WWC2: variants seen among roughly 807,000 people sequenced by gnomAD.
The protein encoded by WWC2 is protein WWC2.
WWC2 carries 101 observed loss-of-function variants against 138.5 expected under a neutral mutation model. That is an observed-to-expected ratio of 0.73 (90% CI 0.62 to 0.86). The LOEUF is 0.86. Among genes scored for constraint, WWC2 ranks in the 40% least tolerant of loss-of-function variants. The pLI is 0.00. For synonymous variants in WWC2, 558 were observed against 538.4 expected, an observed-to-expected ratio of 1.04 and a Z score of -0.50; for missense variants, 1,420 against 1,419.4, an observed-to-expected ratio of 1.00 and a Z score of -0.01.
rs545138436 is a variant in WWC2 at position 183,121,062 on chromosome 4, A to G, written c.131+21440A>G. Among the ~76,000 whole-genome samples, 3 of 152,328 alleles carry G rather than the reference A, an allele frequency of 2.0e-5. No individual in the cohort carries two copies. In the East Asian group the frequency reaches 5.8e-4, roughly 29 times the overall value. On this transcript the variant is annotated intron_variant, in intron 1 of 22. Transcript: ENST00000403733. ...CGAGACCTTGTCTCTACAAAATAAT[A>G]CAAAAGTTAGCCAGGCATGGCGGTG...
At chr4:183,276,171 T>G (rs1580138135) in intron 16 of WWC2, among the ~76,000 whole-genome samples, 1 of 152,244 alleles carries the variant, frequency 6.6e-6, no homozygotes, top group East Asian at 1.9e-4. Context: ...ATGATTTATC[T>G]TTTTTCATCC....
intron 21 of WWC2, among the ~76,000 whole-genome samples, chr4:183,311,578 GT>G (rs33921495): frequency 0.51 from 58,343 of 115,024 alleles, 13,095 homozygotes; most frequent in Middle Eastern, 0.66. Context: ...ATGTGTGCAG[GT>G]TTTTTTTTTT....
At position 183,185,658 on chromosome 4, in the gene WWC2, T is replaced by C. The variant is rs543375188; in HGVS notation, c.132-7941T>C. On this transcript the variant is annotated intron_variant, in intron 1 of 22. Transcript: ENST00000403733. ...CTTCAGAGCCAACATTGTGAAGGTT[T>C]TTAGTGTGAAGGGCTATGCGGCAGA... Among the ~76,000 whole-genome samples the C allele has an allele frequency of 9.9e-5, 15 of 152,272 alleles. No individual in the cohort carries two copies. In the East Asian group the frequency reaches 2.7e-3, roughly 28 times the overall value.
chr4:183,244,850 G>T (rs1464638704), intron 5 of WWC2, among the ~76,000 whole-genome samples: 1 of 152,046 alleles, frequency 6.6e-6, no homozygotes, highest in Non-Finnish European at 1.5e-5. Context: ...ATAAGGTTTG[G>T]GTTCAGCCAG....
intron 6 of WWC2, among the ~76,000 whole-genome samples, chr4:183,246,418 C>A (rs1383910652): frequency 1.3e-5 from 2 of 152,126 alleles, no homozygotes; most frequent in African/African-American, 4.8e-5. Flanking sequence ...TATTTAACTA[C>A]TTGATGTTGG....
At chr4:183,210,253 C>G (rs1423726495) in intron 4 of WWC2, among the ~76,000 whole-genome samples, 1 of 151,872 alleles carries the variant, frequency 6.6e-6, no homozygotes, top group Non-Finnish European at 1.5e-5. Flanking sequence ...GAGAATAAAA[C>G]AGTGGTTACC....
Position 183,240,157 on chromosome 4 carries a change from A to G in WWC2, c.523-26A>G, listed in dbSNP as rs1250206960. 7 of 1,498,610 alleles carry G rather than the reference A, an allele frequency of 4.7e-6. No homozygotes were observed. The South Asian group carries it at 6.4e-5, about 14-fold the overall frequency. The allele number at this position is 1,498,610 out of a possible 1,614,324, so 92.8% of individuals were successfully genotyped here. The stretch of plus-strand genomic sequence containing the variant: ...TGTTGCTAATTATCTGCAAACATTA[A>G]TGTTTATGTTGATTTCTCTTTAAAG... On this transcript the variant is annotated intron_variant, in intron 4 of 22. Coordinates refer to ENST00000403733, the MANE Select transcript of WWC2 (RefSeq NM_024949.6).
chr4:183,181,749 A>G (rs1224575096), intron 1 of WWC2, among the ~76,000 whole-genome samples: 1 of 152,192 alleles, frequency 6.6e-6, no homozygotes, highest in African/African-American at 2.4e-5. Context: ...CTGTGCAAGG[A>G]GTTAGCACCT....
chr4:183,319,493 C>A lies in WWC2; in HGVS notation c.*3764C>A. The A allele has an allele frequency of 1.4e-6, 2 of 1,467,334 alleles. No homozygotes were observed. The highest frequency in any genetic ancestry group is 1.8e-6 in the Non-Finnish European group (2 of 1,086,140). The allele number at this position is 1,467,334 out of a possible 1,614,324, so 90.9% of individuals were successfully genotyped here. ...GCACAGTGAGATGACTAGAGCGGGA[C>A]ATCCTACCAAATCCAGTGTTGAGCA... On this transcript the variant is annotated 3_prime_UTR_variant, in exon 23 of 23. Coordinates refer to ENST00000403733, the MANE Select transcript of WWC2 (RefSeq NM_024949.6).
chr4:183,297,708 C>A (rs534577779), intron 21 of WWC2, among the ~76,000 whole-genome samples: 4 of 152,306 alleles, frequency 2.6e-5, no homozygotes, highest in African/African-American at 9.6e-5. Flanking sequence ...CCGCACCTGG[C>A]CTGGGATAAA....
chr4:183,198,709 C>T (rs538574163), intron 2 of WWC2, among the ~76,000 whole-genome samples: 1 of 144,030 alleles, frequency 6.9e-6, no homozygotes, highest in Admixed American at 7.3e-5. Context: ...GTCCCAGCTA[C>T]TCAGGAGGGT....
intron 11 of WWC2, among the ~76,000 whole-genome samples, chr4:183,263,411 C>T (rs760333426): frequency 6.6e-6 from 1 of 152,200 alleles, no homozygotes; most frequent in African/African-American, 2.4e-5. Flanking sequence ...TTGCTCCTGA[C>T]ACTTGGGTCT....
intron 1 of WWC2, among the ~76,000 whole-genome samples, chr4:183,137,586 C>T (rs1348081020): frequency 2.0e-5 from 3 of 151,896 alleles, no homozygotes; most frequent in Non-Finnish European, 4.4e-5. Flanking sequence ...GTAACCTTGA[C>T]CTCTCTGGTT....
chr4:183,112,508 A>G (rs1732265758), intron 1 of WWC2, among the ~76,000 whole-genome samples: 1 of 152,178 alleles, frequency 6.6e-6, no homozygotes, highest in Non-Finnish European at 1.5e-5. Context: ...AGCTTACTTT[A>G]CTGACTTCAC....
chr4:183,205,610 T>C (rs1345639016), intron 2 of WWC2, among the ~76,000 whole-genome samples: 3 of 152,224 alleles, frequency 2.0e-5, no homozygotes, highest in African/African-American at 7.2e-5. Context: ...TAGGGAGTTT[T>C]ATATTTTTTT....
chr4:183,152,899 T>A (rs1485816335), intron 1 of WWC2, among the ~76,000 whole-genome samples: 14 of 151,804 alleles, frequency 9.2e-5, no homozygotes, highest in Non-Finnish European at 1.6e-4. Flanking sequence ...AAATAAAAAA[T>A]AAATAAAAAT....
At chr4:183,280,952 G>T (rs1265732404) in intron 17 of WWC2, 55 bp downstream of exon 17, 1 of 1,510,014 alleles carries the variant, frequency 6.6e-7, no homozygotes, top group Non-Finnish European at 8.8e-7. Flanking sequence ...TGTTTACACG[G>T]CTTACAGTGA....
chr4:183,130,311 C>CAA (rs1356646149), intron 1 of WWC2, among the ~76,000 whole-genome samples: 2 of 152,126 alleles, frequency 1.3e-5, no homozygotes, highest in African/African-American at 4.8e-5. Context: ...CTCGGCCTCC[C>CAA]AGTGCTGGGA....
At chr4:183,269,506 A>G in intron 15 of WWC2, 1 of 496,786 alleles carries the variant, frequency 2.0e-6, no homozygotes, top group South Asian at 1.5e-5. Context: ...ACTGCTGTGT[A>G]TATATTATCT....
Sources: allele counts gnomAD v4.1 joint callset (sites outside exome capture counted in the v4.1 genomes callset), GRCh38; gene constraint gnomAD v4.1.1; transcripts MANE v1.5; gene names NCBI Gene and HGNC (gene_info 2026-07-23, HGNC 2026-07-21).